STPG2: variants seen among roughly 807,000 people sequenced by gnomAD.
The protein encoded by STPG2 is sperm tail PG-rich repeat containing 2, also known as sperm-tail PG-rich repeat-containing protein 2.
A neutral mutation model predicts 54.2 loss-of-function variants in STPG2; 56 were observed. The ratio of observed to expected loss-of-function variants is 1.03; its 90% CI spans 0.83 to 1.29. STPG2 has a LOEUF of 1.29. STPG2 is among the 50% of genes most tolerant of loss of function. The probability of loss-of-function intolerance (pLI) is 0.00; values close to 1 mark genes in which losing one functional copy is unlikely to be tolerated. For missense variants in STPG2, 596 were observed against 544.9 expected (o/e 1.09, Z -0.93); for synonymous variants, 200 against 181.8 (o/e 1.10, Z -0.81).
In STPG2 at chr4:97,944,110, C is replaced by A; in HGVS notation, c.934-103G>T. The A allele has an allele frequency of 4.1e-6, 3 of 723,802 alleles. No homozygotes were observed. The South Asian group carries it at 5.2e-5, about 13-fold the overall frequency. The allele number at this position is 723,802 out of a possible 1,614,324, so 44.8% of individuals were successfully genotyped here. A position where few individuals can be genotyped will look rare whatever the true frequency, so the allele number is the denominator to read the frequency against. On this transcript the variant is annotated intron_variant, in intron 7 of 10. Coordinates refer to ENST00000295268, the MANE Select transcript of STPG2 (RefSeq NM_174952.3). ...AATGAAGTTCATCAGTATTATCTGG[C>A]ATTAAATAAAGACACATATTCATAA...
chr4:98,096,586 C>G (rs1002137002), intron 5 of STPG2, among the ~76,000 whole-genome samples: 1 of 151,504 alleles, frequency 6.6e-6, no homozygotes, highest in Non-Finnish European at 1.5e-5. Flanking sequence ...GCAAACCAAA[C>G]CCAAAATTAG....
chr4:97,706,404 C>T (rs1003308464), intron 10 of STPG2, among the ~76,000 whole-genome samples: 3 of 152,100 alleles, frequency 2.0e-5, no homozygotes, highest in African/African-American at 7.2e-5. Flanking sequence ...GAATTAGGCC[C>T]TTATAAAAGA....
In STPG2 at chr4:97,666,533, T is replaced by C. The variant is rs1018736587; in HGVS notation, c.1320+46166A>G. 7.2e-5 allele frequency among the ~76,000 whole-genome samples: 11 copies of C among 152,352 alleles called. 3 individuals carry two copies. The highest frequency in any genetic ancestry group is 6.5e-5 in the Admixed American group (1 of 15,310). On this transcript the variant is annotated intron_variant, in intron 10 of 10. Coordinates refer to ENST00000295268, the MANE Select transcript of STPG2 (RefSeq NM_174952.3). ...GGATAAGAAGATGCCCACATATTTC[T>C]TGGCTTTTGTTTATGAGTTTCAGAG...
intron 10 of STPG2, among the ~76,000 whole-genome samples, chr4:97,565,257 G>C (rs1375389081): frequency 6.6e-6 from 1 of 152,120 alleles, no homozygotes; most frequent in African/African-American, 2.4e-5. Context: ...TCTTCACGCA[G>C]TTCTCGAGCC....
At chr4:97,499,147 T>A (rs1730673284) in intron 4 of STPG2, among the ~76,000 whole-genome samples, 1 of 151,890 alleles carries the variant, frequency 6.6e-6, no homozygotes, top group Non-Finnish European at 1.5e-5. Context: ...GAAAGTATCA[T>A]CAAGAGTTTC....
At chr4:97,806,437 T>C (rs1358554975) in intron 9 of STPG2, among the ~76,000 whole-genome samples, 2 of 152,062 alleles carry the variant, frequency 1.3e-5, no homozygotes, top group African/African-American at 2.4e-5. Flanking sequence ...GGTGACAGGA[T>C]CATTCATACC....
chr4:97,694,756 T>A (rs1345382846), intron 10 of STPG2, among the ~76,000 whole-genome samples: 2 of 129,446 alleles, frequency 1.5e-5, no homozygotes, highest in Non-Finnish European at 3.1e-5. Flanking sequence ...GAGCTTGCAG[T>A]GAGCCGAGAT....
At chr4:97,566,141 C>T (rs6532682) in intron 10 of STPG2, among the ~76,000 whole-genome samples, 73,629 of 152,000 alleles carry the variant, frequency 0.48, 18,607 homozygotes, top group South Asian at 0.63. Context: ...TGGGCAATGG[C>T]GGGTGCCTCT....
intron 10 of STPG2, among the ~76,000 whole-genome samples, chr4:97,696,442 A>C (rs529279238): frequency 6.6e-6 from 1 of 152,330 alleles, no homozygotes; most frequent in African/African-American, 2.4e-5. Flanking sequence ...CATTGGAAAA[A>C]CCCTTTTAGA....
intron 4 of STPG2, among the ~76,000 whole-genome samples, chr4:97,447,353 A>G (rs1350415621): frequency 2.6e-5 from 4 of 152,236 alleles, no homozygotes; most frequent in Non-Finnish European, 4.4e-5. Context: ...ATCTGCAGAA[A>G]TTTGCATAAG....
intron 4 of STPG2, among the ~76,000 whole-genome samples, chr4:97,473,966 GT>G (rs34155643): frequency 2.6e-5 from 4 of 151,106 alleles, no homozygotes; most frequent in South Asian, 2.1e-4. Flanking sequence ...AGAATAGAGG[GT>G]TTTTTTTTGA....
At chr4:97,781,246 G>C (rs901015025) in intron 9 of STPG2, among the ~76,000 whole-genome samples, 9 of 152,134 alleles carry the variant, frequency 5.9e-5, no homozygotes, top group Non-Finnish European at 1.2e-4. Context: ...CGATAAAGGA[G>C]ATATCACCAC....
intron 10 of STPG2, among the ~76,000 whole-genome samples, chr4:97,682,107 T>C (rs1723055391): frequency 6.6e-6 from 1 of 151,784 alleles, no homozygotes; most frequent in Admixed American, 6.6e-5. Flanking sequence ...AAGTTAACGT[T>C]AAAAGCAGAA....
At chr4:98,078,709 T>C (rs1266316001) in intron 5 of STPG2, among the ~76,000 whole-genome samples, 1 of 152,190 alleles carries the variant, frequency 6.6e-6, no homozygotes, top group Non-Finnish European at 1.5e-5. Flanking sequence ...CAAAAGTGCT[T>C]GCCACCACAG....
chr4:97,735,781 T>C (rs1346146028), intron 9 of STPG2, among the ~76,000 whole-genome samples: 1 of 151,918 alleles, frequency 6.6e-6, no homozygotes, highest in East Asian at 1.9e-4. Context: ...TGTATGTATG[T>C]TAACCTTATA....
chr4:97,598,649 T>G (rs571420439), intron 10 of STPG2, among the ~76,000 whole-genome samples: 3 of 151,174 alleles, frequency 2.0e-5, no homozygotes, highest in Admixed American at 6.6e-5. Flanking sequence ...TTTGAAGAAG[T>G]TGACAAAAAC....
In STPG2 at chr4:97,735,035, T is replaced by C. The variant is rs577752061; in HGVS notation, c.1205-22221A>G. 3.4e-5 allele frequency among the ~76,000 whole-genome samples: 5 copies of C among 148,674 alleles called. No homozygotes were observed. In the South Asian group the frequency reaches 8.5e-4, roughly 25 times the overall value. On this transcript the variant is annotated intron_variant, in intron 9 of 10. Coordinates refer to ENST00000295268, the MANE Select transcript of STPG2 (RefSeq NM_174952.3). The stretch of plus-strand genomic sequence containing the variant: ...TGGCAGTGAGTTGAGATGGCGTCAC[T>C]GCACTACAGCCTGGGCAAGAGAGCG...
At chr4:98,086,352 A>G (rs1158206087) in intron 5 of STPG2, among the ~76,000 whole-genome samples, 1 of 152,110 alleles carries the variant, frequency 6.6e-6, no homozygotes, top group Non-Finnish European at 1.5e-5. Context: ...AGTCCGTGCT[A>G]TAGTTTTTCA....
rs144031444 is a variant in STPG2, at chr4:97,520,034, G to A, written c.462+192665C>T. ...ATAAAAATAGTACCTACTCTATCAG[G>A]ATGCTAGAAAATTAAATGAATCAAT... On this transcript the variant is annotated intron_variant, in intron 4 of 4. Transcript: ENST00000522676. Among the ~76,000 whole-genome samples the A allele has an allele frequency of 4.1e-3, 631 of 152,084 alleles. 3 individuals are homozygous for A. The highest frequency in any genetic ancestry group is 0.02 in the South Asian group (98 of 4,820).
Sources: allele counts gnomAD v4.1 joint callset (sites outside exome capture counted in the v4.1 genomes callset), GRCh38; gene constraint gnomAD v4.1.1; transcripts MANE v1.5; gene names NCBI Gene and HGNC (gene_info 2026-07-23, HGNC 2026-07-21).